PRKN: variants seen among roughly 807,000 people sequenced by gnomAD.
PRKN encodes the protein parkin RBR E3 ubiquitin protein ligase.
Under a neutral mutation model 59.5 loss-of-function variants are expected in PRKN, and 56 were observed. That is an observed-to-expected ratio of 0.94 (90% CI 0.76 to 1.18). The LOEUF (loss-of-function observed/expected upper bound fraction) is 1.18. Ranked by LOEUF, PRKN falls within the 50% of genes most tolerant of loss-of-function variation. The pLI, the probability that PRKN is intolerant of heterozygous loss-of-function variation, is 0.00. For missense variants in PRKN, 657 were observed against 596.4 expected (o/e 1.10, Z -1.06); for synonymous variants, 250 against 222.1 (o/e 1.13, Z -1.12).
chr6:162,531,530 C>T (rs375658539), intron 1 of PRKN, among the ~76,000 whole-genome samples: 262 of 152,024 alleles, frequency 1.7e-3, no homozygotes, highest in African/African-American at 6.1e-3. Context: ...TCATAGGACC[C>T]GGAGCTGTCT....
At chr6:162,230,415 C>T (rs1392336925) in intron 3 of PRKN, among the ~76,000 whole-genome samples, 3 of 152,180 alleles carry the variant, frequency 2.0e-5, no homozygotes, top group Non-Finnish European at 4.4e-5. Flanking sequence ...CTGCAAGAGG[C>T]AAGCTGGGCT....
intron 7 of PRKN, among the ~76,000 whole-genome samples, chr6:161,763,441 G>A (rs533137620): frequency 6.6e-6 from 1 of 151,942 alleles, no homozygotes; most frequent in South Asian, 2.1e-4. Context: ...AGCTTTAGTT[G>A]GTTCTGTTCC....
chr6:162,605,092 T>A (rs1209001806), intron 1 of PRKN, among the ~76,000 whole-genome samples: 3 of 152,186 alleles, frequency 2.0e-5, no homozygotes, highest in Non-Finnish European at 1.5e-5. Flanking sequence ...CTTTTCATTA[T>A]CCTTTTATAG....
intron 5 of PRKN, among the ~76,000 whole-genome samples, chr6:162,025,088 T>C (rs1783376086): frequency 6.7e-6 from 1 of 149,668 alleles, no homozygotes; most frequent in African/African-American, 2.5e-5. Flanking sequence ...CAATCTCGGC[T>C]CACTGCAAGC....
intron 2 of PRKN, among the ~76,000 whole-genome samples, chr6:162,280,042 G>A (rs988463080): frequency 2.0e-5 from 3 of 151,652 alleles, no homozygotes; most frequent in South Asian, 4.2e-4. Context: ...TCCTCCATCC[G>A]TTTATTCTGA....
chr6:162,603,894 G>A (rs544063239), intron 1 of PRKN, among the ~76,000 whole-genome samples: 3 of 152,090 alleles, frequency 2.0e-5, no homozygotes, highest in Non-Finnish European at 4.4e-5. Context: ...CCCACCAACA[G>A]ACTCAGATTT....
chr6:162,486,760 T>C (rs961626650), intron 1 of PRKN, among the ~76,000 whole-genome samples: 1 of 152,068 alleles, frequency 6.6e-6, no homozygotes, highest in Non-Finnish European at 1.5e-5. Context: ...GATAAACACA[T>C]CAGTACTCTC....
At chr6:162,358,922 T>A (rs572716050) in intron 2 of PRKN, among the ~76,000 whole-genome samples, 28 of 151,256 alleles carry the variant, frequency 1.9e-4, no homozygotes, top group Admixed American at 1.6e-3. Flanking sequence ...TAGCTGGGTG[T>A]GGTGGCGGCT....
rs535502611 is a variant in PRKN at position 162,525,620 on chromosome 6, T to G, written c.8-82147A>C. 2.1e-4 allele frequency among the ~76,000 whole-genome samples: 32 copies of G among 152,316 alleles called. No homozygotes were observed. The South Asian group carries it at 6.6e-3, about 32-fold the overall frequency. On this transcript the variant is annotated intron_variant, in intron 1 of 11. Coordinates refer to ENST00000366898, the MANE Select transcript of PRKN (RefSeq NM_004562.3). ...AATACACTATTTAACGACTGTGTGT[T>G]CTCTTCCTTCCTTAATTAAATGCAG...
At chr6:162,113,651 T>C (rs1287234169) in intron 4 of PRKN, among the ~76,000 whole-genome samples, 1 of 152,172 alleles carries the variant, frequency 6.6e-6, no homozygotes, top group African/African-American at 2.4e-5. Flanking sequence ...TTGCTTAAAA[T>C]TTTGGACTCT....
chr6:161,735,150 C>A (rs1336505423), intron 7 of PRKN, among the ~76,000 whole-genome samples: 1 of 151,890 alleles, frequency 6.6e-6, no homozygotes, highest in African/African-American at 2.4e-5. Flanking sequence ...GAGTTTGAGA[C>A]CAGTCTGGCC....
chr6:161,568,202 C>T (rs1289199109), intron 8 of PRKN, among the ~76,000 whole-genome samples: 1 of 152,160 alleles, frequency 6.6e-6, no homozygotes, highest in Non-Finnish European at 1.5e-5. Context: ...CAAACAAAAA[C>T]ACACAAACCA....
intron 1 of PRKN, chr6:162,568,410 A>T: frequency 1.8e-6 from 1 of 549,980 alleles, no homozygotes; most frequent in South Asian, 1.8e-5. Context: ...AAGTCCTATA[A>T]GGTGTCCACC....
intron 7 of PRKN, among the ~76,000 whole-genome samples, chr6:161,661,316 C>G (rs1467652996): frequency 6.6e-6 from 1 of 152,180 alleles, no homozygotes; most frequent in Non-Finnish European, 1.5e-5. Context: ...TCACTGGGCC[C>G]TGGCAGGTTA....
At chr6:162,662,949 AG>A (rs1275944635) in intron 1 of PRKN, among the ~76,000 whole-genome samples, 4 of 152,138 alleles carry the variant, frequency 2.6e-5, no homozygotes, top group Non-Finnish European at 4.4e-5. Context: ...GAGCGATTGA[AG>A]CTGAAGGGAA....
intron 6 of PRKN, among the ~76,000 whole-genome samples, chr6:161,873,469 A>G (rs1195858216): frequency 1.3e-5 from 2 of 151,900 alleles, no homozygotes; most frequent in African/African-American, 2.4e-5. Context: ...ACTAAATACA[A>G]TGCGTATCGG....
At chr6:161,406,109 T>C (rs529343676) in intron 9 of PRKN, among the ~76,000 whole-genome samples, 3 of 151,844 alleles carry the variant, frequency 2.0e-5, no homozygotes, top group South Asian at 4.1e-4. Context: ...TACATACGTA[T>C]ATATATACAC....
intron 1 of PRKN, among the ~76,000 whole-genome samples, chr6:162,460,276 G>A (rs1791090103): frequency 6.6e-6 from 1 of 152,300 alleles, no homozygotes; most frequent in South Asian, 2.1e-4. Context: ...ATAAGATGTT[G>A]TATGATTCCA....
chr6:162,468,723 C>T (rs749201578), intron 1 of PRKN, among the ~76,000 whole-genome samples: 2 of 152,154 alleles, frequency 1.3e-5, no homozygotes, highest in African/African-American at 4.8e-5. Context: ...GAGCTTGAGG[C>T]TAGAGTAATA....
Sources: allele counts gnomAD v4.1 joint callset (sites outside exome capture counted in the v4.1 genomes callset), GRCh38; gene constraint gnomAD v4.1.1; transcripts MANE v1.5; gene names NCBI Gene and HGNC (gene_info 2026-07-23, HGNC 2026-07-21).